The following PTPRT variants were observed in gnomAD, a reference collection of about 807,000 sequenced individuals.
PTPRT encodes the protein receptor-type tyrosine-protein phosphatase T.
Under a neutral mutation model 176.8 loss-of-function variants are expected in PTPRT, and 56 were observed. The observed-to-expected ratio is 0.32, with a 90% CI of 0.26 to 0.40. PTPRT has a LOEUF of 0.40. PTPRT is among the 10% of genes least tolerant of loss of function. The pLI is 1.00. For missense variants in PTPRT, 1,540 were observed against 1,908.2 expected (o/e 0.81, Z 3.60); for synonymous variants, 783 against 739.0 (o/e 1.06, Z -0.96).
chr20:42,107,929 G>C (rs2146274128), intron 23 of PTPRT, among the ~76,000 whole-genome samples: 1 of 152,324 alleles, frequency 6.6e-6, no homozygotes, highest in East Asian at 1.9e-4. Flanking sequence ...TCATTCATGA[G>C]AAACTTTCAT....
At chr20:42,723,768 C>G (rs959994964) in intron 6 of PTPRT, among the ~76,000 whole-genome samples, 2 of 152,186 alleles carry the variant, frequency 1.3e-5, no homozygotes, top group African/African-American at 4.8e-5. Flanking sequence ...CCCCAGGAAG[C>G]AGTCATGGGG....
chr20:42,799,719 T>C (rs895770829), intron 2 of PTPRT, among the ~76,000 whole-genome samples: 1 of 152,240 alleles, frequency 6.6e-6, no homozygotes, highest in Admixed American at 6.5e-5. Flanking sequence ...CTTCAGACTC[T>C]TCACCTCTTC....
intron 1 of PTPRT, among the ~76,000 whole-genome samples, chr20:42,947,521 G>A (rs1364115168): frequency 6.6e-6 from 1 of 152,172 alleles, no homozygotes; most frequent in Non-Finnish European, 1.5e-5. Context: ...CAAGGAGAGA[G>A]GTCTTCTCTG....
At chr20:43,003,298 T>A (rs920908239) in intron 1 of PTPRT, among the ~76,000 whole-genome samples, 1 of 152,200 alleles carries the variant, frequency 6.6e-6, no homozygotes, top group African/African-American at 2.4e-5. Flanking sequence ...GCAATCCTCC[T>A]GCATCAGGCT....
intron 17 of PTPRT, among the ~76,000 whole-genome samples, chr20:42,149,226 C>T (rs527859245): frequency 2.2e-4 from 33 of 152,170 alleles, no homozygotes; most frequent in South Asian, 1.2e-3. Context: ...ACAGCAAGTG[C>T]GGAGGCCCTG....
chr20:42,088,753 C>T (rs1984292818), intron 27 of PTPRT, among the ~76,000 whole-genome samples: 1 of 152,180 alleles, frequency 6.6e-6, no homozygotes, highest in Non-Finnish European at 1.5e-5. Flanking sequence ...GCCTGCAAAA[C>T]CTGAAATATT....
intron 7 of PTPRT, among the ~76,000 whole-genome samples, chr20:42,500,007 T>A (rs2071724533): frequency 6.6e-6 from 1 of 152,180 alleles, no homozygotes; most frequent in African/African-American, 2.4e-5. Context: ...TTATTTTAAT[T>A]TATTTTTAGT....
intron 11 of PTPRT, among the ~76,000 whole-genome samples, chr20:42,345,237 G>T (rs931665199): frequency 6.6e-6 from 1 of 151,692 alleles, no homozygotes; most frequent in African/African-American, 2.4e-5. Flanking sequence ...CCATATATCT[G>T]GTGCTCAATG....
chr20:42,909,543 G>A (rs918333795), intron 1 of PTPRT, among the ~76,000 whole-genome samples: 7 of 152,198 alleles, frequency 4.6e-5, no homozygotes, highest in South Asian at 4.1e-4. Context: ...CTTAAGCTTC[G>A]TAGCTCCACA....
intron 6 of PTPRT, among the ~76,000 whole-genome samples, chr20:42,691,404 C>A (rs1011527790): frequency 5.3e-5 from 8 of 152,190 alleles, no homozygotes; most frequent in Admixed American, 2.0e-4. Context: ...GCAAATTCTT[C>A]TCCTTGGCCT....
chr20:42,352,707 A>G (rs1397570520), intron 9 of PTPRT, among the ~76,000 whole-genome samples: 1 of 152,248 alleles, frequency 6.6e-6, no homozygotes, highest in Non-Finnish European at 1.5e-5. Context: ...TTTTAAAATA[A>G]CTAAAAGGGT....
At chr20:42,156,906 T>TAGA (rs759712415) in intron 17 of PTPRT, among the ~76,000 whole-genome samples, 2 of 152,228 alleles carry the variant, frequency 1.3e-5, no homozygotes, top group African/African-American at 4.8e-5. Context: ...ACACAGTAGC[T>TAGA]AGAAGGAAGT....
chr20:42,652,063 A>G (rs1351850697), intron 7 of PTPRT, among the ~76,000 whole-genome samples: 2 of 150,182 alleles, frequency 1.3e-5, no homozygotes, highest in East Asian at 1.9e-4. Context: ...AACAAAAACA[A>G]AAACAAACAA....
chr20:42,136,588 C>A (rs960375766), intron 18 of PTPRT, among the ~76,000 whole-genome samples: 10 of 152,148 alleles, frequency 6.6e-5, no homozygotes, highest in South Asian at 2.1e-4. Context: ...GTAGATGCAA[C>A]CTTTGAGGGG....
In PTPRT at chr20:42,861,781, T is replaced by G. The variant is rs144211090; in HGVS notation, c.214+24026A>C. 6.4e-4 allele frequency among the ~76,000 whole-genome samples: 98 copies of G among 151,990 alleles called. 1 individual carries two copies. In the East Asian group the frequency reaches 0.018, roughly 29 times the overall value. Reference sequence around the variant, plus strand: ...CACAGAAGGTGACATTTGAGTTGAGTTGACATGCAAGCTCTTGCTGAGAAG... The same window carrying G: ...CACAGAAGGTGACATTTGAGTTGAGGTGACATGCAAGCTCTTGCTGAGAAG... On this transcript the variant is annotated intron_variant, in intron 2 of 30. Coordinates refer to ENST00000373187, the MANE Select transcript of PTPRT (RefSeq NM_007050.6).
Position 42,232,926 on chromosome 20 carries a change from G to A in PTPRT, c.2342+3303C>T, listed in dbSNP as rs112427689. On this transcript the variant is annotated intron_variant, in intron 15 of 30. Coordinates refer to ENST00000373187, the MANE Select transcript of PTPRT (RefSeq NM_007050.6). ...CAACCTGTACAAGTTACTTCTGATG[G>A]CCAAATGTCCAGGCTGTGCCCAAAC... 2.6e-4 allele frequency among the ~76,000 whole-genome samples: 39 copies of A among 151,408 alleles called. 2 individuals carry two copies. The highest frequency in any genetic ancestry group is 9.5e-4 in the African/African-American group (39 of 41,244).
intron 1 of PTPRT, chr20:42,970,776 G>A (rs1327817768): frequency 6.6e-6 from 1 of 152,190 alleles, no homozygotes; most frequent in East Asian, 1.9e-4. Context: ...GTTATTCTCA[G>A]AAAGCTGCAG....
chr20:42,142,941 T>C (rs540738020), intron 17 of PTPRT, among the ~76,000 whole-genome samples: 1 of 151,772 alleles, frequency 6.6e-6, no homozygotes, highest in African/African-American at 2.4e-5. Context: ...CCAAGAAAAG[T>C]AGAAAGTGCT....
chr20:42,096,237 C>T (rs1600495929), intron 27 of PTPRT, among the ~76,000 whole-genome samples: 1 of 152,210 alleles, frequency 6.6e-6, no homozygotes, highest in Non-Finnish European at 1.5e-5. Context: ...CTTTTACCTG[C>T]ACTGATCCCC....
Sources: allele counts gnomAD v4.1 joint callset (sites outside exome capture counted in the v4.1 genomes callset), GRCh38; gene constraint gnomAD v4.1.1; transcripts MANE v1.5; gene names NCBI Gene and HGNC (gene_info 2026-07-23, HGNC 2026-07-21).